Variants in MYT1L observed in about 807,000 individuals in gnomAD.
The protein encoded by MYT1L is myelin transcription factor 1-like protein.
A neutral mutation model predicts 126.7 loss-of-function variants in MYT1L; 12 were observed. The observed-to-expected ratio is 0.09, with a 90% CI of 0.06 to 0.15. The LOEUF is 0.15. MYT1L is among the 10% of genes least tolerant of loss of function. The pLI, the probability that MYT1L is intolerant of heterozygous loss-of-function variation, is 1.00. For missense variants in MYT1L, 979 were observed against 1,585.2 expected (o/e 0.62, Z 6.49); for synonymous variants, 541 against 604.2 (o/e 0.90, Z 1.53).
chr2:2,054,678 G>C (rs1022418375), intron 3 of MYT1L, among the ~76,000 whole-genome samples: 1 of 151,874 alleles, frequency 6.6e-6, no homozygotes, highest in Non-Finnish European at 1.5e-5. Context: ...ATGGAGGTGA[G>C]AAGCATAAAG....
intron 2 of MYT1L, among the ~76,000 whole-genome samples, chr2:2,262,771 C>A (rs1179975872): frequency 2.7e-5 from 4 of 150,800 alleles, no homozygotes; most frequent in Non-Finnish European, 5.9e-5. Flanking sequence ...CTTTTCTAGC[C>A]CGCCCAAAGT....
chr2:2,328,476 T>C (rs1175957257), intron 1 of MYT1L, among the ~76,000 whole-genome samples: 1 of 152,228 alleles, frequency 6.6e-6, no homozygotes, highest in Non-Finnish European at 1.5e-5. Context: ...CATATTCCTT[T>C]AATAATTTTT....
chr2:2,140,935 CAAAT>C (rs1045182252), intron 3 of MYT1L, among the ~76,000 whole-genome samples: 1 of 152,150 alleles, frequency 6.6e-6, no homozygotes, highest in Admixed American at 6.6e-5. Context: ...TTGAAATTAT[CAAAT>C]ACTTTTTTTT....
intron 4 of MYT1L, among the ~76,000 whole-genome samples, chr2:2,033,966 C>T (rs930158984): frequency 2.6e-5 from 4 of 152,076 alleles, no homozygotes; most frequent in Admixed American, 1.3e-4. Flanking sequence ...AGCTCAATTC[C>T]GACAAATAAA....
At chr2:1,983,993 T>C (rs1262647341) in intron 5 of MYT1L, among the ~76,000 whole-genome samples, 1 of 152,184 alleles carries the variant, frequency 6.6e-6, no homozygotes, top group Non-Finnish European at 1.5e-5. Context: ...GATTTAAAAT[T>C]TGTTTTATAC....
chr2:2,290,106 C>G (rs978563408), intron 1 of MYT1L, among the ~76,000 whole-genome samples: 8 of 152,244 alleles, frequency 5.3e-5, no homozygotes, highest in African/African-American at 1.9e-4. Flanking sequence ...GTCAGCCACA[C>G]AGCCACAAAT....
At chr2:1,893,870 G>T (rs563748485) in intron 14 of MYT1L, among the ~76,000 whole-genome samples, 2 of 152,190 alleles carry the variant, frequency 1.3e-5, no homozygotes, top group African/African-American at 4.8e-5. Context: ...AGGACATGGG[G>T]AAGAGGTGTG....
rs3748989 is a variant in MYT1L, at chr2:1,943,196, C to T, written c.291G>A (p.Glu97=). The change falls in exon 9 of 25, where the codon GAG becomes GAA. Residue 97 remains glutamate (E), a synonymous_variant. Transcript: ENST00000647738. This position sits in a 1 kb window ranked among gnomAD's most constrained non-coding sequence, Gnocchi z 4.4. The stretch of plus-strand genomic sequence containing the variant: ...CATCCTCCTCCTTCTCATCCATGTC[C>T]TCAGTCCCATCACTGTCGTCACACT... ...VDECDDSDGT[E]DMDEKEEDEG... is the part of the protein sequence containing the mutation. 0.1 allele frequency: 159,096 copies of T among 1,551,574 alleles called. 9,420 individuals are homozygous for T. The highest frequency in any genetic ancestry group is 0.31 in the East Asian group (12,820 of 40,894).
chr2:1,901,772 A>G (rs561622958), intron 14 of MYT1L, among the ~76,000 whole-genome samples: 10 of 152,214 alleles, frequency 6.6e-5, no homozygotes, highest in Non-Finnish European at 1.5e-4. Flanking sequence ...GCTGGAGAGC[A>G]GCAGCACAAT....
intron 21 of MYT1L, among the ~76,000 whole-genome samples, chr2:1,812,962 A>G (rs2036920249): frequency 6.6e-6 from 1 of 151,702 alleles, no homozygotes; most frequent in South Asian, 2.1e-4. Context: ...GGCCTCCTGC[A>G]GAGGTCCTAA....
intron 9 of MYT1L, among the ~76,000 whole-genome samples, chr2:1,925,791 G>A (rs1166541447): frequency 1.3e-5 from 2 of 152,114 alleles, no homozygotes; most frequent in South Asian, 2.1e-4. Context: ...ACAGCTCGGC[G>A]CCCATCATGA....
intron 8 of MYT1L, among the ~76,000 whole-genome samples, chr2:1,950,726 T>G (rs116104954): frequency 0.011 from 1,716 of 152,080 alleles, 24 homozygotes; most frequent in African/African-American, 0.039. Flanking sequence ...GGTGTGAGGG[T>G]GCAGGCAGTC....
At chr2:2,043,439 T>C (rs1380857343) in intron 4 of MYT1L, among the ~76,000 whole-genome samples, 1 of 152,210 alleles carries the variant, frequency 6.6e-6, no homozygotes. Flanking sequence ...CATTGTACAT[T>C]GCAGCCACAC....
At chr2:1,969,327 G>A (rs1017549177) in intron 8 of MYT1L, among the ~76,000 whole-genome samples, 8 of 152,214 alleles carry the variant, frequency 5.3e-5, no homozygotes, top group Non-Finnish European at 1.2e-4. Context: ...TGTCTATGCC[G>A]TTGGCTCTGT....
At chr2:2,199,995 T>G (rs1013970633) in intron 2 of MYT1L, among the ~76,000 whole-genome samples, 3 of 152,184 alleles carry the variant, frequency 2.0e-5, no homozygotes, top group African/African-American at 7.2e-5. Flanking sequence ...GTGCCATTCC[T>G]TCCTCCAGGT....
At chr2:2,220,711 C>G (rs558880068) in intron 2 of MYT1L, among the ~76,000 whole-genome samples, 2 of 152,224 alleles carry the variant, frequency 1.3e-5, no homozygotes, top group East Asian at 3.9e-4. Flanking sequence ...TCTTCCTTGT[C>G]TCATCATGTT....
At chr2:2,280,600 C>T (rs1457233557) in intron 2 of MYT1L, among the ~76,000 whole-genome samples, 1 of 152,196 alleles carries the variant, frequency 6.6e-6, no homozygotes, top group African/African-American at 2.4e-5. Flanking sequence ...ATAATGTTTC[C>T]TTCCCTAGTG....
chr2:1,925,035 G>C (rs2054043788), intron 9 of MYT1L, among the ~76,000 whole-genome samples: 1 of 152,116 alleles, frequency 6.6e-6, no homozygotes, highest in Non-Finnish European at 1.5e-5. Context: ...CTGCACAATA[G>C]GTAAGTTTTA....
At chr2:1,919,326 A>C (rs2053262705) in intron 10 of MYT1L, among the ~76,000 whole-genome samples, 1 of 152,178 alleles carries the variant, frequency 6.6e-6, no homozygotes, top group Non-Finnish European at 1.5e-5. Flanking sequence ...TTTCTCTTGC[A>C]ATCTCAAAAG....
Sources: allele counts gnomAD v4.1 joint callset (sites outside exome capture counted in the v4.1 genomes callset), GRCh38; gene constraint gnomAD v4.1.1; non-coding constraint Gnocchi (gnomAD v3.1); transcripts MANE v1.5; gene names NCBI Gene and HGNC (gene_info 2026-07-23, HGNC 2026-07-21).